The following COMMD10 variants were observed in gnomAD, a reference collection of about 807,000 sequenced individuals.
COMMD10 encodes the protein COMM domain containing 10.
A neutral mutation model predicts 28.9 loss-of-function variants in COMMD10; 33 were observed. The observed-to-expected ratio is 1.14, with a 90% CI of 0.87 to 1.53. The LOEUF (loss-of-function observed/expected upper bound fraction) is 1.53, where lower values mean the gene tolerates loss of function less well. COMMD10 is among the 40% of genes most tolerant of loss of function. The probability of loss-of-function intolerance (pLI) is 0.00; values close to 1 mark genes in which losing one functional copy is unlikely to be tolerated. For synonymous variants in COMMD10, 110 were observed against 81.7 expected (o/e 1.35, Z -1.87); for missense variants, 310 against 233.4 (o/e 1.33, Z -2.14).
intron 5 of COMMD10, among the ~76,000 whole-genome samples, chr5:116,290,495 G>A (rs1486535523): frequency 6.6e-6 from 1 of 151,810 alleles, no homozygotes. Flanking sequence ...GAATTAGTTG[G>A]AGATAATTTG....
chr5:116,199,860 A>G (rs1287292978), intron 5 of COMMD10, among the ~76,000 whole-genome samples: 1 of 152,128 alleles, frequency 6.6e-6, no homozygotes, highest in South Asian at 2.1e-4. Context: ...GATTACAGGT[A>G]TGTAGCACCA....
chr5:116,276,357 A>T, intron 5 of COMMD10, among the ~76,000 whole-genome samples: 1 of 151,714 alleles, frequency 6.6e-6, no homozygotes, highest in East Asian at 1.9e-4. Context: ...GGTTCAAGCA[A>T]TTCTCCTGCC....
At chr5:116,115,419 T>C (rs1457071667) in intron 4 of COMMD10, among the ~76,000 whole-genome samples, 2 of 152,220 alleles carry the variant, frequency 1.3e-5, no homozygotes, top group African/African-American at 2.4e-5. Flanking sequence ...TAAATGCCTG[T>C]GTTCTGTCTT....
intron 5 of COMMD10, among the ~76,000 whole-genome samples, chr5:116,204,940 A>G (rs527898985): frequency 2.0e-5 from 3 of 152,122 alleles, no homozygotes; most frequent in South Asian, 4.2e-4. Flanking sequence ...ATCACTCTCT[A>G]CCTCCCATGG....
intron 5 of COMMD10, among the ~76,000 whole-genome samples, chr5:116,249,455 T>C (rs1459729054): frequency 6.6e-6 from 1 of 151,898 alleles, no homozygotes; most frequent in Non-Finnish European, 1.5e-5. Flanking sequence ...TACTTTGATA[T>C]TAAATAAAAA....
intron 6 of COMMD10, among the ~76,000 whole-genome samples, chr5:116,292,194 G>A (rs1751382178): frequency 6.6e-6 from 1 of 151,450 alleles, no homozygotes; most frequent in South Asian, 2.1e-4. Flanking sequence ...AACAGCTGAA[G>A]ACACTTAAAA....
intron 5 of COMMD10, among the ~76,000 whole-genome samples, chr5:116,249,620 A>T (rs1257024632): frequency 1.3e-5 from 2 of 151,996 alleles, no homozygotes; most frequent in Admixed American, 6.6e-5. Context: ...AAACATTTGA[A>T]TTCTGAAAGA....
At chr5:116,233,582 C>G (rs189702259) in intron 5 of COMMD10, among the ~76,000 whole-genome samples, 4 of 152,078 alleles carry the variant, frequency 2.6e-5, no homozygotes, top group Non-Finnish European at 5.9e-5. Context: ...ACTGTAATTT[C>G]ATAAGGTGGT....
intron 5 of COMMD10, among the ~76,000 whole-genome samples, chr5:116,280,701 T>G (rs1263450128): frequency 6.6e-6 from 1 of 151,830 alleles, no homozygotes; most frequent in Non-Finnish European, 1.5e-5. Flanking sequence ...ATTTAGCCTA[T>G]GGTGGAGCTG....
At chr5:116,086,850 G>A (rs181361070) in intron 1 of COMMD10, among the ~76,000 whole-genome samples, 6 of 152,240 alleles carry the variant, frequency 3.9e-5, no homozygotes, top group African/African-American at 1.4e-4. Context: ...TGTGGCCCGC[G>A]CATGTAGTTC....
At chr5:116,128,195 G>C in intron 4 of COMMD10, among the ~76,000 whole-genome samples, 1 of 151,888 alleles carries the variant, frequency 6.6e-6, no homozygotes, top group Non-Finnish European at 1.5e-5. Flanking sequence ...TAGAATTTTG[G>C]TTTACAGAGT....
At chr5:116,250,080 T>G (rs1157518027) in intron 5 of COMMD10, among the ~76,000 whole-genome samples, 1 of 151,924 alleles carries the variant, frequency 6.6e-6, no homozygotes, top group Non-Finnish European at 1.5e-5. Flanking sequence ...TAGTTGATCT[T>G]TTCTGTTCAT....
chr5:116,167,797 C>T (rs906107768), intron 5 of COMMD10, among the ~76,000 whole-genome samples: 15 of 152,064 alleles, frequency 9.9e-5, no homozygotes, highest in South Asian at 2.1e-4. Context: ...GATTTTGTTA[C>T]CACCAGGGCT....
In COMMD10 at chr5:116,192,119, C is replaced by A. The variant is rs114544551; in HGVS notation, c.510+57941C>A. Among the ~76,000 whole-genome samples the A allele has an allele frequency of 7.2e-3, 1,098 of 152,134 alleles. 18 individuals carry two copies. The highest frequency in any genetic ancestry group is 0.025 in the African/African-American group (1,053 of 41,514). On this transcript the variant is annotated intron_variant, in intron 5 of 6. Coordinates refer to ENST00000274458, the MANE Select transcript of COMMD10 (RefSeq NM_016144.4). ...CGTCCATAGGAAAATGGAGAGAGTA[C>A]TACATCAAGGGAACACCCCATGGGA...
At chr5:116,119,469 G>A (rs1751350940) in intron 4 of COMMD10, among the ~76,000 whole-genome samples, 1 of 152,194 alleles carries the variant, frequency 6.6e-6, no homozygotes, top group Admixed American at 6.5e-5. Context: ...TGCCTAATGG[G>A]TAACCCTGTT....
chr5:116,117,914 A>G (rs142576466), intron 4 of COMMD10, among the ~76,000 whole-genome samples: 1 of 152,188 alleles, frequency 6.6e-6, no homozygotes, highest in Non-Finnish European at 1.5e-5. Flanking sequence ...GTGATTTTTT[A>G]AAAATGTGTC....
chr5:116,170,183 A>G (rs754010463), intron 5 of COMMD10, among the ~76,000 whole-genome samples: 18 of 152,174 alleles, frequency 1.2e-4, no homozygotes, highest in Admixed American at 1.2e-3. Flanking sequence ...AAGCATTCCT[A>G]TACACCAATA....
At chr5:116,246,458 C>T (rs1215270270) in intron 5 of COMMD10, among the ~76,000 whole-genome samples, 7 of 151,102 alleles carry the variant, frequency 4.6e-5, no homozygotes, top group African/African-American at 1.7e-4. Context: ...CATTGAGATT[C>T]TTTGTAGAAC....
intron 5 of COMMD10, among the ~76,000 whole-genome samples, chr5:116,170,146 G>T (rs1395227832): frequency 1.3e-5 from 2 of 152,106 alleles, no homozygotes; most frequent in African/African-American, 4.8e-5. Flanking sequence ...AAAGTCTCAG[G>T]ATACAAAATC....
Sources: gnomAD v4.1 joint callset for allele counts (sites outside exome capture counted in the v4.1 genomes callset) on GRCh38, gnomAD v4.1.1 for gene constraint, MANE v1.5 for transcripts, NCBI Gene and HGNC (gene_info 2026-07-23, HGNC 2026-07-21) for gene names.